FSTL4: variants seen among roughly 807,000 people sequenced by gnomAD.
FSTL4 encodes follistatin-related protein 4.
A neutral mutation model predicts 78.2 loss-of-function variants in FSTL4; 28 were observed. The observed-to-expected ratio is 0.36, with a 90% CI of 0.27 to 0.49. FSTL4 has a LOEUF of 0.49. Among genes scored for constraint, FSTL4 ranks in the 20% least tolerant of loss-of-function variants. The probability of loss-of-function intolerance (pLI) is 0.98; values close to 1 mark genes in which losing one functional copy is unlikely to be tolerated. For missense variants in FSTL4, 922 were observed against 1,084.9 expected, an observed-to-expected ratio of 0.85 and a Z score of 2.11; for synonymous variants, 422 against 440.5, an observed-to-expected ratio of 0.96 and a Z score of 0.53.
chr5:133,304,023 C>A (rs764348358), intron 6 of FSTL4, among the ~76,000 whole-genome samples: 1 of 152,126 alleles, frequency 6.6e-6, no homozygotes, highest in South Asian at 2.1e-4. Context: ...GCAAAGATTT[C>A]CCTTGAGATG....
intron 3 of FSTL4, among the ~76,000 whole-genome samples, chr5:133,431,643 C>T (rs1449107468): frequency 6.6e-6 from 1 of 152,200 alleles, no homozygotes; most frequent in Non-Finnish European, 1.5e-5. Context: ...CTGAGTAACC[C>T]CAGTCAATGC....
intron 6 of FSTL4, among the ~76,000 whole-genome samples, chr5:133,281,704 T>C (rs187721174): frequency 1.7e-4 from 26 of 152,192 alleles, no homozygotes; most frequent in African/African-American, 5.3e-4. Context: ...CAGTTGAGGG[T>C]CTGCACTGGC....
At chr5:133,483,531 G>A (rs1425349598) in intron 3 of FSTL4, among the ~76,000 whole-genome samples, 2 of 152,186 alleles carry the variant, frequency 1.3e-5, no homozygotes, top group African/African-American at 4.8e-5. Flanking sequence ...CCCCGTGGAT[G>A]GGCTAGTTAT....
chr5:133,376,171 C>T (rs1755431308), intron 4 of FSTL4, among the ~76,000 whole-genome samples: 2 of 152,218 alleles, frequency 1.3e-5, no homozygotes, highest in South Asian at 2.1e-4. Flanking sequence ...GATATCAGAA[C>T]TTACTATATA....
At chr5:133,697,797 C>T in the FSTL4 span, among the ~76,000 whole-genome samples, 1 of 152,176 alleles carries the variant, frequency 6.6e-6, no homozygotes, top group Non-Finnish European at 1.5e-5. Flanking sequence ...CCAGCATGGC[C>T]TGGCAAAATC....
rs568315745 is a variant in FSTL4, at chr5:133,537,149, A to G, written c.160+30037T>C. Among the ~76,000 whole-genome samples the G allele has an allele frequency of 9.9e-4, 151 of 152,292 alleles. 2 individuals are homozygous for G. In the South Asian group the frequency reaches 0.031, roughly 31 times the overall value. On this transcript the variant is annotated intron_variant, in intron 3 of 15. Coordinates refer to ENST00000265342, the MANE Select transcript of FSTL4 (RefSeq NM_015082.2). ...ATTTCTGGTCCTTTGGTTTCCACAT[A>G]AATTATAGAACCTGCTTGTCAAATT...
chr5:133,619,120 G>A, the FSTL4 span, among the ~76,000 whole-genome samples: 47 of 152,248 alleles, frequency 3.1e-4, no homozygotes, highest in East Asian at 6.8e-3. Flanking sequence ...TGCTGGCTGA[G>A]GAGAGGTGAG....
At chr5:133,569,531 G>T (rs964687999) in intron 2 of FSTL4, among the ~76,000 whole-genome samples, 6 of 152,142 alleles carry the variant, frequency 3.9e-5, no homozygotes, top group African/African-American at 1.4e-4. Flanking sequence ...TGGAATGTGG[G>T]TTGGGATGGC....
intron 4 of FSTL4, among the ~76,000 whole-genome samples, chr5:133,369,310 T>C (rs936981516): frequency 1.3e-5 from 2 of 152,234 alleles, no homozygotes; most frequent in African/African-American, 4.8e-5. Flanking sequence ...AGCTGGTATC[T>C]TGCTAATTTG....
intron 3 of FSTL4, among the ~76,000 whole-genome samples, chr5:133,503,750 G>C (rs962029298): frequency 4.6e-5 from 7 of 152,158 alleles, no homozygotes; most frequent in African/African-American, 1.4e-4. Context: ...CAGCCTATGT[G>C]CTCTCTCCTC....
chr5:133,233,130 C>T (rs1751544710), intron 8 of FSTL4, among the ~76,000 whole-genome samples: 2 of 152,262 alleles, frequency 1.3e-5, no homozygotes, highest in African/African-American at 4.8e-5. Context: ...CCATGCTCCA[C>T]ACTGTCTGTG....
intron 3 of FSTL4, among the ~76,000 whole-genome samples, chr5:133,466,765 G>A (rs567906947): frequency 6.6e-5 from 10 of 152,354 alleles, no homozygotes; most frequent in African/African-American, 2.4e-4. Context: ...ACAAATGGAT[G>A]CAAGACAGTG....
chr5:133,313,306 C>T (rs923770337), intron 5 of FSTL4, among the ~76,000 whole-genome samples: 7 of 152,200 alleles, frequency 4.6e-5, no homozygotes, highest in African/African-American at 1.4e-4. Flanking sequence ...CAGACCCCTC[C>T]GTTCTATCCA....
At chr5:133,718,067 A>AGTTT in the FSTL4 span, among the ~76,000 whole-genome samples, 13 of 151,262 alleles carry the variant, frequency 8.6e-5, no homozygotes, top group Admixed American at 1.3e-4. Context: ...TCCAATATTT[A>AGTTT]GTTTGTTTGT....
intron 3 of FSTL4, among the ~76,000 whole-genome samples, chr5:133,512,799 C>T (rs1758762840): frequency 6.6e-6 from 1 of 151,100 alleles, no homozygotes; most frequent in South Asian, 2.1e-4. Context: ...AAGGTGATGC[C>T]CAGAGACTGG....
chr5:133,628,675 T>A, the FSTL4 span, among the ~76,000 whole-genome samples: 4 of 151,944 alleles, frequency 2.6e-5, no homozygotes, highest in African/African-American at 9.7e-5. Context: ...GAGCTGTTTT[T>A]TTGAAAGGAT....
chr5:133,208,753 T>C (rs1750608001), intron 14 of FSTL4, among the ~76,000 whole-genome samples: 1 of 152,206 alleles, frequency 6.6e-6, no homozygotes, highest in Non-Finnish European at 1.5e-5. Context: ...CGTGGCTCAC[T>C]ACAACCTCTG....
the FSTL4 span, among the ~76,000 whole-genome samples, chr5:133,797,246 G>A: frequency 1.3e-5 from 2 of 152,198 alleles, no homozygotes; most frequent in East Asian, 1.9e-4. Context: ...GCCTGAAAAG[G>A]CAGGATGTCT....
intron 2 of FSTL4, among the ~76,000 whole-genome samples, chr5:133,567,599 G>A (rs1760056103): frequency 1.3e-5 from 2 of 152,164 alleles, no homozygotes; most frequent in Admixed American, 1.3e-4. Context: ...TAAGCAGATG[G>A]GCTAAAATTA....
Sources: allele counts gnomAD v4.1 joint callset (sites outside exome capture counted in the v4.1 genomes callset), GRCh38; gene constraint gnomAD v4.1.1; transcripts MANE v1.5; gene names NCBI Gene and HGNC (gene_info 2026-07-23, HGNC 2026-07-21).